The following MCPH1 variants were observed in gnomAD, a reference collection of about 807,000 sequenced individuals.
The protein encoded by MCPH1 is microcephalin 1, also known as microcephalin.
In MCPH1, 104 loss-of-function variants were observed where a neutral mutation model predicts 84.5. The ratio of observed to expected loss-of-function variants is 1.23; its 90% CI spans 1.05 to 1.45. MCPH1 has a LOEUF of 1.45. MCPH1 is among the 40% of genes most tolerant of loss of function. The pLI, the probability that MCPH1 is intolerant of heterozygous loss-of-function variation, is 0.00. For synonymous variants in MCPH1, 514 were observed against 366.8 expected, an observed-to-expected ratio of 1.40 and a Z score of -4.58; for missense variants, 1,498 against 1,005.7, an observed-to-expected ratio of 1.49 and a Z score of -6.62.
intron 12 of MCPH1, among the ~76,000 whole-genome samples, chr8:6,575,123 G>C (rs1370557771): frequency 6.6e-6 from 1 of 152,150 alleles, no homozygotes; most frequent in African/African-American, 2.4e-5. Flanking sequence ...GAGACTTCCG[G>C]TTAGAGTTTT....
chr8:6,480,877 G>T lies in MCPH1; in HGVS notation c.2136+1G>T, dbSNP rs1315452792. On this transcript the variant is annotated splice_donor_variant, in intron 11 of 13. Coordinates refer to ENST00000344683, the MANE Select transcript of MCPH1 (RefSeq NM_024596.5). LOFTEE classifies it high-confidence loss of function. ...CTGCTGGGTTCTCTCTTATGATTGG[G>T]TAAGCCCTGTGTGTGAACTGCGTAT... is the stretch of plus-strand genomic sequence containing the variant. 1.5e-5 allele frequency: 25 copies of T among 1,613,758 alleles called. No homozygotes were observed. The highest frequency in any genetic ancestry group is 2.0e-5 in the Non-Finnish European group (24 of 1,180,046).
chr8:6,562,967 A>G (rs758020224), intron 12 of MCPH1: 1 of 1,552,868 alleles, frequency 6.4e-7, no homozygotes, highest in Admixed American at 1.7e-5. Flanking sequence ...CAGCTTAGCA[A>G]ACTTGAGGGC....
At chr8:6,554,343 C>G (rs2129575175) in intron 12 of MCPH1, among the ~76,000 whole-genome samples, 1 of 151,810 alleles carries the variant, frequency 6.6e-6, no homozygotes, top group Middle Eastern at 3.4e-3. Context: ...TGCTTGCTTC[C>G]TTTTAAGACT....
intron 3 of MCPH1, among the ~76,000 whole-genome samples, chr8:6,423,994 G>A (rs1216139333): frequency 2.6e-5 from 4 of 152,106 alleles, no homozygotes; most frequent in African/African-American, 7.2e-5. Context: ...TTTATGTCAC[G>A]TCTGTCCTTT....
intron 13 of MCPH1, among the ~76,000 whole-genome samples, chr8:6,639,856 C>G (rs1300096957): frequency 6.6e-6 from 1 of 151,888 alleles, no homozygotes; most frequent in Non-Finnish European, 1.5e-5. Context: ...TTGGGAGGTA[C>G]TGTAATTAAT....
rs184043769 is a variant in MCPH1, at chr8:6,629,934, A to G, written c.2452+8243A>G. Among the ~76,000 whole-genome samples the G allele has an allele frequency of 7.3e-3, 1,119 of 152,330 alleles. 13 individuals carry two copies. The highest frequency in any genetic ancestry group is 0.026 in the African/African-American group (1,060 of 41,556). On this transcript the variant is annotated intron_variant, in intron 13 of 13. Coordinates refer to ENST00000344683, the MANE Select transcript of MCPH1 (RefSeq NM_024596.5). ...AAGTGGAAAACTCTTTTTTGTTTACACAGCCACTGACTGTTGTGGTCTCAG... is the reference window on the plus strand; with the variant it reads ...AAGTGGAAAACTCTTTTTTGTTTACGCAGCCACTGACTGTTGTGGTCTCAG...
chr8:6,586,005 G>C (rs1827949901), intron 12 of MCPH1, among the ~76,000 whole-genome samples: 1 of 152,196 alleles, frequency 6.6e-6, no homozygotes, highest in African/African-American at 2.4e-5. Flanking sequence ...CTGTCACCCA[G>C]GCTGGAGTGC....
At chr8:6,488,326 A>G (rs1426194682) in intron 11 of MCPH1, among the ~76,000 whole-genome samples, 1 of 152,206 alleles carries the variant, frequency 6.6e-6, no homozygotes, top group East Asian at 1.9e-4. Context: ...CCAAAAAGTG[A>G]TTCATCTGTA....
intron 12 of MCPH1, among the ~76,000 whole-genome samples, chr8:6,533,395 G>T (rs1023416438): frequency 6.6e-6 from 1 of 152,150 alleles, no homozygotes; most frequent in African/African-American, 2.4e-5. Flanking sequence ...AGGGAAGCCT[G>T]CCCTCTGCTT....
intron 3 of MCPH1, among the ~76,000 whole-genome samples, chr8:6,416,425 C>T (rs955799638): frequency 5.9e-5 from 9 of 152,102 alleles, no homozygotes; most frequent in Admixed American, 2.6e-4. Context: ...TTCATTATTT[C>T]GTATGATGGT....
intron 13 of MCPH1, among the ~76,000 whole-genome samples, chr8:6,637,445 G>T (rs1361451665): frequency 6.6e-6 from 1 of 152,136 alleles, no homozygotes; most frequent in African/African-American, 2.4e-5. Context: ...GAAGCGGTAA[G>T]TTTAGCGTGG....
intron 11 of MCPH1, among the ~76,000 whole-genome samples, chr8:6,498,026 A>G (rs79143581): frequency 0.016 from 2,483 of 152,326 alleles, 37 homozygotes; most frequent in Non-Finnish European, 0.022. Flanking sequence ...GGGAAAATAA[A>G]ATGTGCATAG....
chr8:6,630,895 C>T lies in MCPH1; in HGVS notation c.2452+9204C>T, dbSNP rs1457493559. On this transcript the variant is annotated intron_variant, in intron 13 of 13. Coordinates refer to ENST00000344683, the MANE Select transcript of MCPH1 (RefSeq NM_024596.5). ...CAATCAAAAGTATTCCTTTCACCAGCCACTAAAAAGGCACCTGTACATGGG... is the reference window on the plus strand; with the variant it reads ...CAATCAAAAGTATTCCTTTCACCAGTCACTAAAAAGGCACCTGTACATGGG... Among the ~76,000 whole-genome samples, 5 of 151,964 alleles carry T rather than the reference C, an allele frequency of 3.3e-5. No individual in the cohort carries two copies. The South Asian group carries it at 1.0e-3, about 32-fold the overall frequency.
At chr8:6,505,576 G>A (rs1399042109) in intron 12 of MCPH1, among the ~76,000 whole-genome samples, 4 of 109,120 alleles carry the variant, frequency 3.7e-5, no homozygotes, top group Non-Finnish European at 5.3e-5. Context: ...TATATAGAAT[G>A]TATATTCTTT....
chr8:6,566,117 A>G lies in MCPH1; in HGVS notation c.2215-55337A>G, dbSNP rs529509000. 6.6e-5 allele frequency among the ~76,000 whole-genome samples: 10 copies of G among 152,346 alleles called. No homozygotes were observed. In the South Asian group the frequency reaches 1.0e-3, roughly 16 times the overall value. On this transcript the variant is annotated intron_variant, in intron 12 of 13. Transcript: ENST00000344683. The stretch of plus-strand genomic sequence containing the variant: ...CTGAGTGAGCGTGCTGGGCTCCAAT[A>G]AAGCTTTATTCGTGATACTGAAATT...
intron 12 of MCPH1, chr8:6,514,602 T>G (rs1586271464): frequency 1.5e-6 from 2 of 1,329,658 alleles, no homozygotes; most frequent in Non-Finnish European, 1.1e-6. Context: ...GGATTGGTGG[T>G]TAAGGTTCCG....
chr8:6,477,895 A>G (rs1808688735), intron 10 of MCPH1, among the ~76,000 whole-genome samples: 1 of 152,254 alleles, frequency 6.6e-6, no homozygotes, highest in Non-Finnish European at 1.5e-5. Context: ...GATACCAAAT[A>G]GCTTCATGAA....
chr8:6,503,393 T>C (rs1009677602), intron 12 of MCPH1: 8 of 847,854 alleles, frequency 9.4e-6, no homozygotes, highest in Non-Finnish European at 1.3e-5. Flanking sequence ...TGATGGTGAG[T>C]ATAGGATGTG....
At chr8:6,508,588 A>G (rs1814271367) in intron 12 of MCPH1, 1 of 442,694 alleles carries the variant, frequency 2.3e-6, no homozygotes, top group African/African-American at 2.0e-5. Context: ...TGGAATTTTT[A>G]ACTTTTTACA....
Sources: allele counts gnomAD v4.1 joint callset (sites outside exome capture counted in the v4.1 genomes callset), GRCh38; gene constraint gnomAD v4.1.1; transcripts MANE v1.5; gene names NCBI Gene and HGNC (gene_info 2026-07-23, HGNC 2026-07-21).